PEX7: variants seen among roughly 807,000 people sequenced by gnomAD.
The protein encoded by PEX7 is peroxisomal biogenesis factor 7, also known as PTS2 receptor.
PEX7 carries 34 observed loss-of-function variants against 47.5 expected under a neutral mutation model. That is an observed-to-expected ratio of 0.72 (90% CI 0.54 to 0.95). PEX7 has a LOEUF of 0.95. Ranked by LOEUF, PEX7 falls within the 40% of genes least tolerant of loss-of-function variation. The pLI, the probability that PEX7 is intolerant of heterozygous loss-of-function variation, is 0.00. For missense variants in PEX7, 394 were observed against 400.3 expected (o/e 0.98, Z 0.13); for synonymous variants, 141 against 148.8 (o/e 0.95, Z 0.38).
chr6:136,882,958 C>T lies in PEX7; in HGVS notation c.803+10705C>T, dbSNP rs530918097. 2.6e-5 allele frequency among the ~76,000 whole-genome samples: 4 copies of T among 152,204 alleles called. No homozygotes were observed. In the East Asian group the frequency reaches 7.7e-4, roughly 29 times the overall value. ...CTGTGTTGGAGGTCTTACCCTGGATCACTAGAACCTATAAAATGGATCTAC... is the reference window on the plus strand; with the variant it reads ...CTGTGTTGGAGGTCTTACCCTGGATTACTAGAACCTATAAAATGGATCTAC... On this transcript the variant is annotated intron_variant, in intron 8 of 9. Coordinates refer to ENST00000318471, the MANE Select transcript of PEX7 (RefSeq NM_000288.4).
At chr6:136,845,552 A>G in intron 3 of PEX7, 63 bp from the exon 4 acceptor site, 1 of 902,084 alleles carries the variant, frequency 1.1e-6, no homozygotes, top group Non-Finnish European at 1.9e-6. Flanking sequence ...ATGTAACAAG[A>G]GATAAAATGC....
chr6:136,898,012 G>A (rs1244209002), intron 8 of PEX7, 130 bp from the exon 9 acceptor site: 1 of 662,618 alleles, frequency 1.5e-6, no homozygotes, highest in Non-Finnish European at 2.7e-6. Flanking sequence ...TAATAGTGGG[G>A]TTCTGTATTT....
At chr6:136,841,020 G>A (rs1187973117) in intron 3 of PEX7, among the ~76,000 whole-genome samples, 1 of 152,068 alleles carries the variant, frequency 6.6e-6, no homozygotes, top group Non-Finnish European at 1.5e-5. Context: ...TTTATTTATA[G>A]CATGTTTGCT....
intron 6 of PEX7, among the ~76,000 whole-genome samples, chr6:136,868,961 CAAT>C (rs1775123669): frequency 6.6e-6 from 1 of 152,174 alleles, no homozygotes; most frequent in South Asian, 2.1e-4. Flanking sequence ...GAGTTGGAAA[CAAT>C]GATTAATTTA....
intron 8 of PEX7, among the ~76,000 whole-genome samples, chr6:136,892,122 TA>T (rs1775566192): frequency 6.6e-6 from 1 of 152,118 alleles, no homozygotes; most frequent in South Asian, 2.1e-4. Flanking sequence ...TAAAAAATAT[TA>T]AAAGAGAGAA....
At chr6:136,893,009 T>C (rs6570108) in intron 8 of PEX7, among the ~76,000 whole-genome samples, 93,100 of 152,038 alleles carry the variant, frequency 0.61, 29,865 homozygotes, top group African/African-American at 0.82. Context: ...GCAAAGCTGA[T>C]CATAGACCGA....
At chr6:136,826,212 A>T in intron 2 of PEX7, 107 bp from the exon 3 acceptor site, 1 of 1,243,216 alleles carries the variant, frequency 8.0e-7, no homozygotes, top group Non-Finnish European at 1.2e-6. Context: ...ACGTGTTAAA[A>T]TGTGTGATAA....
At position 136,826,472 on chromosome 6, in the gene PEX7, A is replaced by C; in HGVS notation, c.339+3A>C. 6.2e-7 allele frequency: 1 copy of C among 1,614,026 alleles called. No homozygotes were observed. Among genetic ancestry groups the C allele is most frequent in the Non-Finnish European group, 8.5e-7 (1 of 1,180,004 alleles). On this transcript the variant is annotated splice_donor_region_variant and intron_variant, in intron 3 of 9. Coordinates refer to ENST00000318471, the MANE Select transcript of PEX7 (RefSeq NM_000288.4). Reference sequence around the variant, plus strand: ...TCTATAAAGAACACGCTCAGGAGGTAGGAGGGAAATCTTTCTGGGCTGATT... The same window carrying C: ...TCTATAAAGAACACGCTCAGGAGGTCGGAGGGAAATCTTTCTGGGCTGATT...
chr6:136,875,121 A>G (rs1305814852), intron 8 of PEX7, among the ~76,000 whole-genome samples: 2 of 152,082 alleles, frequency 1.3e-5, no homozygotes, highest in Non-Finnish European at 2.9e-5. Flanking sequence ...CCTGGGCAAC[A>G]AGAGCAAAAC....
At chr6:136,876,852 C>T (rs1775283409) in intron 8 of PEX7, among the ~76,000 whole-genome samples, 2 of 152,096 alleles carry the variant, frequency 1.3e-5, no homozygotes, top group Non-Finnish European at 2.9e-5. Context: ...GGGTATATAC[C>T]CAGTAATGGG....
At chr6:136,884,239 A>C (rs1476178652) in intron 8 of PEX7, among the ~76,000 whole-genome samples, 2 of 152,226 alleles carry the variant, frequency 1.3e-5, no homozygotes, top group Admixed American at 1.3e-4. Flanking sequence ...TGGAAAGGTC[A>C]GAAAAGGTGC....
chr6:136,876,690 A>G (rs1484647485), intron 8 of PEX7, among the ~76,000 whole-genome samples: 3 of 152,182 alleles, frequency 2.0e-5, no homozygotes, highest in East Asian at 1.9e-4. Flanking sequence ...ATGGCTGTAT[A>G]GTGTTCCATG....
At chr6:136,838,214 C>A (rs1393675931) in intron 3 of PEX7, among the ~76,000 whole-genome samples, 1 of 152,094 alleles carries the variant, frequency 6.6e-6, no homozygotes, top group African/African-American at 2.4e-5. Context: ...GTGGGTCAAC[C>A]AGAAATTATA....
At chr6:136,837,113 C>G (rs1373614939) in intron 3 of PEX7, among the ~76,000 whole-genome samples, 1 of 152,072 alleles carries the variant, frequency 6.6e-6, no homozygotes, top group East Asian at 1.9e-4. Context: ...GTAATCCCAG[C>G]ACTTTGGGAG....
chr6:136,872,343 A>G, intron 8 of PEX7, 90 bp downstream of exon 8: 1 of 930,298 alleles, frequency 1.1e-6, no homozygotes, highest in Non-Finnish European at 1.7e-6. Flanking sequence ...GATTACTCTT[A>G]CTAACATGAA....
intron 8 of PEX7, among the ~76,000 whole-genome samples, chr6:136,894,042 A>G (rs1370726314): frequency 2.6e-5 from 4 of 152,230 alleles, no homozygotes; most frequent in Admixed American, 1.3e-4. Flanking sequence ...AATACAGACT[A>G]TGATGAGCCA....
chr6:136,869,632 A>G (rs939988861), intron 6 of PEX7, among the ~76,000 whole-genome samples: 1 of 152,212 alleles, frequency 6.6e-6, no homozygotes, highest in Admixed American at 6.5e-5. Context: ...GTTTGGAACT[A>G]TGCCTTTTCC....
intron 5 of PEX7, among the ~76,000 whole-genome samples, chr6:136,858,235 G>A (rs944484067): frequency 3.9e-5 from 6 of 152,232 alleles, no homozygotes; most frequent in African/African-American, 1.4e-4. Flanking sequence ...AATAGTCTAA[G>A]CTGCTGCCTT....
chr6:136,860,912 A>T (rs992429094), intron 5 of PEX7, among the ~76,000 whole-genome samples: 1 of 152,100 alleles, frequency 6.6e-6, no homozygotes, highest in African/African-American at 2.4e-5. Context: ...ACCCCAGGTG[A>T]CCACTGTGTG....
Sources: allele counts gnomAD v4.1 joint callset (sites outside exome capture counted in the v4.1 genomes callset), GRCh38; gene constraint gnomAD v4.1.1; transcripts MANE v1.5; gene names NCBI Gene and HGNC (gene_info 2026-07-23, HGNC 2026-07-21).